Variants in TBC1D4 observed in about 807,000 individuals in gnomAD.
TBC1D4 encodes the protein TBC (Tre-2, BUB2, CDC16) domain-containing protein.
TBC1D4 carries 121 observed loss-of-function variants against 142.5 expected under a neutral mutation model. The ratio of observed to expected loss-of-function variants is 0.85; its 90% CI spans 0.73 to 0.99. TBC1D4 has a LOEUF of 0.99. TBC1D4 is among the 50% of genes least tolerant of loss of function. TBC1D4 has a pLI of 0.00. For synonymous variants in TBC1D4, 630 were observed against 628.2 expected (o/e 1.00, Z -0.04); for missense variants, 1,475 against 1,606.6 (o/e 0.92, Z 1.40).
In TBC1D4 at chr13:75,285,552, G is replaced by A. The variant is rs1304584625; in HGVS notation, c.*1240C>T. On this transcript the variant is annotated 3_prime_UTR_variant, in exon 21 of 21. Transcript: ENST00000377636. Reference sequence around the variant, plus strand: ...GTGAATGTCATCTAATGAGCTATTTGTAGGCTGAGGAAGTGAAGAGTTGAA... The same window carrying A: ...GTGAATGTCATCTAATGAGCTATTTATAGGCTGAGGAAGTGAAGAGTTGAA... The A allele has an allele frequency of 6.6e-6, 1 of 152,650 alleles. No individual in the cohort carries two copies. Among genetic ancestry groups the A allele is most frequent in the Non-Finnish European group, 1.5e-5 (1 of 68,032 alleles). The allele number at this position is 152,650 out of a possible 1,614,324, so 9.5% of individuals were successfully genotyped here.
intron 1 of TBC1D4, among the ~76,000 whole-genome samples, chr13:75,432,710 A>G (rs962748284): frequency 6.6e-6 from 1 of 152,238 alleles, no homozygotes; most frequent in African/African-American, 2.4e-5. Flanking sequence ...TGCACTTTCT[A>G]TAGCCTCACA....
intron 1 of TBC1D4, among the ~76,000 whole-genome samples, chr13:75,469,387 G>A (rs1441352877): frequency 6.6e-6 from 1 of 152,154 alleles, no homozygotes; most frequent in Non-Finnish European, 1.5e-5. Flanking sequence ...ACAAGGAGAA[G>A]AGGTGAGAGG....
chr13:75,334,227 T>C (rs1297603234), intron 8 of TBC1D4, among the ~76,000 whole-genome samples: 1 of 152,182 alleles, frequency 6.6e-6, no homozygotes, highest in Non-Finnish European at 1.5e-5. Context: ...AACGCTCATA[T>C]TGTCCCAGTG....
intron 1 of TBC1D4, among the ~76,000 whole-genome samples, chr13:75,463,236 T>C (rs1888042764): frequency 6.6e-6 from 1 of 151,984 alleles, no homozygotes; most frequent in African/African-American, 2.4e-5. Flanking sequence ...AGTAGTGTAA[T>C]GATGTTACTC....
intron 18 of TBC1D4, 73 bp downstream of exon 18, chr13:75,294,770 AATAGGGGCATC>A: frequency 6.9e-7 from 1 of 1,450,342 alleles, no homozygotes; most frequent in South Asian, 1.2e-5. Flanking sequence ...ATGATAGAAC[AATAGGGGCATC>A]ATATGGCTAG....
rs1225200176 is a variant in TBC1D4, at chr13:75,326,271, C to G, written c.1959G>C (p.Lys653Asn). The G allele has an allele frequency of 6.2e-7, 1 of 1,614,030 alleles. No homozygotes were observed. The highest frequency in any genetic ancestry group is 8.5e-7 in the Non-Finnish European group (1 of 1,180,032). Residue 653 changes from lysine (K) to asparagine (N), a missense_variant, in exon 10 of 21, where the codon AAG (lysine) becomes AAC (asparagine). This residue lies in a region of TBC1D4 where 1,227 missense variants were observed against 1,267.7 expected (regional missense o/e 0.97). Coordinates refer to ENST00000377636, the MANE Select transcript of TBC1D4 (RefSeq NM_014832.5). The stretch of plus-strand genomic sequence containing the variant: ...GAGCCCTCCCATCCTGCAAATTCAG[C>G]TTTCTCTTTGTGCTTGAAGGTGGGT... ...FSHPPSSTKRKLNLQDGRAQG... is the reference protein window; with the variant it reads ...FSHPPSSTKRNLNLQDGRAQG...
At chr13:75,469,906 A>G (rs1888328228) in intron 1 of TBC1D4, among the ~76,000 whole-genome samples, 1 of 152,254 alleles carries the variant, frequency 6.6e-6, no homozygotes, top group African/African-American at 2.4e-5. Flanking sequence ...TCAAGTGCAG[A>G]TGTCAAATAA....
chr13:75,313,789 T>C (rs148267770), intron 12 of TBC1D4, among the ~76,000 whole-genome samples: 182 of 152,324 alleles, frequency 1.2e-3, no homozygotes, highest in African/African-American at 4.1e-3. Flanking sequence ...GCTCCCAAAG[T>C]GCTGGGATTA....
chr13:75,385,683 G>A (rs1012547534), intron 1 of TBC1D4, among the ~76,000 whole-genome samples: 8 of 152,164 alleles, frequency 5.3e-5, no homozygotes, highest in Non-Finnish European at 1.0e-4. Context: ...GAGCACTTAC[G>A]TGCTGGGCAC....
chr13:75,345,348 C>T (rs1170003856), intron 5 of TBC1D4, among the ~76,000 whole-genome samples: 3 of 152,190 alleles, frequency 2.0e-5, no homozygotes, highest in Non-Finnish European at 4.4e-5. Context: ...TATCAGAGTA[C>T]TGTGCTGTCT....
At chr13:75,289,652 G>A (rs1875068107) in intron 19 of TBC1D4, among the ~76,000 whole-genome samples, 1 of 152,126 alleles carries the variant, frequency 6.6e-6, no homozygotes, top group African/African-American at 2.4e-5. Context: ...GCTATTCCCT[G>A]TAAGCCTCTT....
At chr13:75,402,654 AACAC>A (rs56176942) in intron 1 of TBC1D4, among the ~76,000 whole-genome samples, 23,221 of 142,272 alleles carry the variant, frequency 0.16, 1,926 homozygotes, top group African/African-American at 0.21. Context: ...ATCCCTAGTA[AACAC>A]ACACACACAC....
At chr13:75,346,738 G>A (rs1372989063) in intron 5 of TBC1D4, among the ~76,000 whole-genome samples, 1 of 152,054 alleles carries the variant, frequency 6.6e-6, no homozygotes, top group African/African-American at 2.4e-5. Context: ...CTTCCTGAAA[G>A]TGACGGAGTG....
chr13:75,308,666 C>T (rs1243820280), intron 14 of TBC1D4, among the ~76,000 whole-genome samples: 7 of 152,032 alleles, frequency 4.6e-5, no homozygotes, highest in Non-Finnish European at 1.0e-4. Context: ...TTTTTTTCAA[C>T]CTCTTTTTCT....
intron 1 of TBC1D4, among the ~76,000 whole-genome samples, chr13:75,471,559 G>A (rs558724828): frequency 2.6e-5 from 4 of 151,270 alleles, no homozygotes; most frequent in African/African-American, 9.7e-5. Context: ...CCAACATGGT[G>A]AAAGCCAGTG....
chr13:75,313,788 G>A (rs1010213217), intron 12 of TBC1D4, among the ~76,000 whole-genome samples: 4 of 152,188 alleles, frequency 2.6e-5, no homozygotes, highest in African/African-American at 9.7e-5. Flanking sequence ...AGCTCCCAAA[G>A]TGCTGGGATT....
rs1349738444 is a variant in TBC1D4 at position 75,286,680 on chromosome 13, G to T, written c.*112C>A. ...TGCTGTGACTAGGCGCTCAGCACCA[G>T]TATTAGGTGGTTCCATCAGCTTCAG... On this transcript the variant is annotated 3_prime_UTR_variant, in exon 21 of 21. Transcript: ENST00000377636. 9.5e-6 allele frequency: 10 copies of T among 1,053,142 alleles called. No individual in the cohort carries two copies. Among genetic ancestry groups the T allele is most frequent in the Non-Finnish European group, 1.4e-5 (10 of 695,418 alleles). 65.2% of individuals were successfully genotyped at this position (1,053,142 alleles called of 1,614,324 possible). A position where few individuals can be genotyped will look rare whatever the true frequency, so the allele number is the denominator to read the frequency against.
At chr13:75,304,654 T>A (rs515465) in intron 15 of TBC1D4, among the ~76,000 whole-genome samples, 3 of 151,870 alleles carry the variant, frequency 2.0e-5, no homozygotes, top group East Asian at 1.9e-4. Flanking sequence ...TAGGATGCTC[T>A]GGGCTTAAAG....
At chr13:75,325,805 C>T (rs928734979) in intron 10 of TBC1D4, among the ~76,000 whole-genome samples, 3 of 151,994 alleles carry the variant, frequency 2.0e-5, no homozygotes, top group African/African-American at 7.3e-5. Flanking sequence ...TTTTAAAACC[C>T]TGGTATTTTA....
Sources: gnomAD v4.1 joint callset for allele counts (sites outside exome capture counted in the v4.1 genomes callset) on GRCh38, gnomAD v4.1.1 for gene constraint, gnomAD v4.1.1 regional missense constraint, MANE v1.5 for transcripts, NCBI Gene and HGNC (gene_info 2026-07-23, HGNC 2026-07-21) for gene names.